Variants in CACNA2D4 observed in about 807,000 individuals in gnomAD.
The protein encoded by CACNA2D4 is voltage-dependent calcium channel subunit alpha-2/delta-4.
A neutral mutation model predicts 163.8 loss-of-function variants in CACNA2D4; 157 were observed. The observed-to-expected ratio is 0.96, with a 90% CI of 0.84 to 1.09. The LOEUF (loss-of-function observed/expected upper bound fraction) is 1.09. CACNA2D4 is among the 50% of genes least tolerant of loss of function. CACNA2D4 has a pLI of 0.00. For synonymous variants in CACNA2D4, 598 were observed against 586.9 expected, an observed-to-expected ratio of 1.02 and a Z score of -0.27; for missense variants, 1,410 against 1,479.9, an observed-to-expected ratio of 0.95 and a Z score of 0.78.
At chr12:1,831,011 C>T (rs1864600375) in intron 26 of CACNA2D4, 1 of 1,614,152 alleles carries the variant, frequency 6.2e-7, no homozygotes. Flanking sequence ...GTGACAGCCG[C>T]AGCCTGGAGG....
intron 26 of CACNA2D4, among the ~76,000 whole-genome samples, chr12:1,838,980 G>A (rs555506343): frequency 2.1e-3 from 316 of 152,302 alleles, no homozygotes; most frequent in Non-Finnish European, 4.0e-3. Context: ...CATCGCACAC[G>A]ACCAGTGACA....
In CACNA2D4 at chr12:1,916,674, G is replaced by A. The variant is rs1014532785; in HGVS notation, c.227+1573C>T. 5.3e-5 allele frequency among the ~76,000 whole-genome samples: 8 copies of A among 152,048 alleles called. No individual in the cohort carries two copies. In the South Asian group the frequency reaches 6.2e-4, roughly 12 times the overall value. ...GTCAAGGACTGGGATAAAAGAAGAC[G>A]GGGGCTTGTGTGTCCCAAGCAACAG... On this transcript the variant is annotated intron_variant, in intron 1 of 37. Transcript: ENST00000382722.
chr12:1,888,730 T>TG (rs1268895572), intron 6 of CACNA2D4, among the ~76,000 whole-genome samples: 1 of 152,200 alleles, frequency 6.6e-6, no homozygotes, highest in African/African-American at 2.4e-5. Context: ...CTACTGAGGC[T>TG]GGAATGAGAA....
intron 23 of CACNA2D4, among the ~76,000 whole-genome samples, chr12:1,848,595 T>A (rs961850669): frequency 6.6e-6 from 1 of 152,190 alleles, no homozygotes; most frequent in South Asian, 2.1e-4. Context: ...AAGTACAACT[T>A]TTATAGAAGA....
intron 26 of CACNA2D4, among the ~76,000 whole-genome samples, chr12:1,839,505 G>C (rs1263674171): frequency 1.3e-5 from 2 of 152,222 alleles, no homozygotes; most frequent in Non-Finnish European, 2.9e-5. Flanking sequence ...AGTGAACCTG[G>C]GTTCCAACGA....
intron 37 of CACNA2D4, 130 bp from the exon 38 acceptor site, chr12:1,793,889 C>T: frequency 1.4e-6 from 1 of 697,038 alleles, no homozygotes. Context: ...GGAAGCACTG[C>T]TACCTCTCTT....
At chr12:1,865,454 G>C (rs1860050) in intron 18 of CACNA2D4, among the ~76,000 whole-genome samples, 12,282 of 152,338 alleles carry the variant, frequency 0.081, 740 homozygotes, top group Non-Finnish European at 0.12. Context: ...GCACAATCGC[G>C]TGCCTGGGGT....
Position 1,874,561 on chromosome 12 carries a change from G to A in CACNA2D4, c.1878+43C>T. The A allele has an allele frequency of 1.5e-6, 2 of 1,367,604 alleles. No homozygotes were observed. The highest frequency in any genetic ancestry group is 2.1e-6 in the Non-Finnish European group (2 of 956,544). 84.7% of individuals were successfully genotyped at this position (1,367,604 alleles called of 1,614,324 possible). On this transcript the variant is annotated intron_variant, in intron 18 of 37. Transcript: ENST00000382722. The surrounding 1 kb of genome is among the most constrained non-coding windows in gnomAD (Gnocchi z 4.4). The stretch of plus-strand genomic sequence containing the variant: ...CACTACTCCAAACCCAATTAATGAA[G>A]ATGCCTTCCTAGGCCATGCCCTGGC...
chr12:1,856,311 G>T, intron 20 of CACNA2D4, 82 bp from the exon 21 acceptor site: 4 of 1,472,276 alleles, frequency 2.7e-6, no homozygotes, highest in Non-Finnish European at 2.8e-6. Context: ...CAGCCACCCA[G>T]TGAGTTTCTA....
intron 6 of CACNA2D4, among the ~76,000 whole-genome samples, chr12:1,897,552 C>A (rs1381872673): frequency 1.3e-5 from 2 of 152,092 alleles, no homozygotes; most frequent in Non-Finnish European, 2.9e-5. Flanking sequence ...TTCAAATATA[C>A]CAATGTTCAC....
In CACNA2D4 at chr12:1,909,979, A is replaced by G. The variant is rs1866775899; in HGVS notation, c.427-14T>C. The G allele has an allele frequency of 1.8e-5, 29 of 1,612,236 alleles. No individual in the cohort carries two copies. The highest frequency in any genetic ancestry group is 2.2e-5 in the Non-Finnish European group (26 of 1,178,578). On this transcript the variant is annotated splice_polypyrimidine_tract_variant and intron_variant, in intron 3 of 37. Transcript: ENST00000382722. ...TTCCACCAGATTCTGAGGGATGGGA[A>G]CACAGAGGTAGGGAGAATGGGTAAA...
chr12:1,851,512 C>T lies in CACNA2D4; in HGVS notation c.2246+2439G>A, dbSNP rs749607421. On this transcript the variant is annotated intron_variant, in intron 23 of 37. Coordinates refer to ENST00000382722, the MANE Select transcript of CACNA2D4 (RefSeq NM_172364.5). ...TTTCACATGCATTTAGATGAGTTTC[C>T]GGATTTCCTTTTGGGTTCCTGTGGT... 1.1e-4 allele frequency among the ~76,000 whole-genome samples: 17 copies of T among 152,240 alleles called. 1 individual carries two copies. The highest frequency in any genetic ancestry group is 2.9e-4 in the African/African-American group (12 of 41,540).
chr12:1,907,874 C>T lies in CACNA2D4; in HGVS notation c.649+1G>A, dbSNP rs1313174160. ...GTGCCTGAGCTGAGCGTGCCGGCTA[C>T]CTTTGTTGTACACGTTGGTGGGCAG... On this transcript the variant is annotated splice_donor_variant, in intron 5 of 37. Coordinates refer to ENST00000382722, the MANE Select transcript of CACNA2D4 (RefSeq NM_172364.5). LOFTEE classifies it high-confidence loss of function. 1.2e-6 allele frequency: 2 copies of T among 1,613,972 alleles called. No individual in the cohort carries two copies. The highest frequency in any genetic ancestry group is 1.7e-6 in the Non-Finnish European group (2 of 1,179,876).
At chr12:1,797,034 T>A (rs1863148863) in intron 35 of CACNA2D4, among the ~76,000 whole-genome samples, 1 of 152,142 alleles carries the variant, frequency 6.6e-6, no homozygotes, top group African/African-American at 2.4e-5. Flanking sequence ...GCGCGGGCAC[T>A]GGCACCGCCC....
chr12:1,895,728 C>T (rs184446284), intron 6 of CACNA2D4, among the ~76,000 whole-genome samples: 29 of 152,242 alleles, frequency 1.9e-4, no homozygotes, highest in Non-Finnish European at 3.4e-4. Flanking sequence ...AACTCCTGGG[C>T]TCAAGCAATC....
intron 25 of CACNA2D4, 104 bp from the exon 26 acceptor site, chr12:1,840,923 G>C: frequency 1.0e-6 from 1 of 999,218 alleles, no homozygotes; most frequent in Non-Finnish European, 1.6e-6. Flanking sequence ...AGCAGGCGAA[G>C]GCATCCTTGG....
At chr12:1,852,394 G>A (rs550984783) in intron 23 of CACNA2D4, among the ~76,000 whole-genome samples, 48 of 152,286 alleles carry the variant, frequency 3.2e-4, no homozygotes, top group African/African-American at 1.1e-3. Flanking sequence ...GTATGGCTGG[G>A]CATGGCAGCT....
intron 26 of CACNA2D4, among the ~76,000 whole-genome samples, chr12:1,826,414 C>CT (rs887751038): frequency 2.9e-5 from 4 of 138,468 alleles, no homozygotes; most frequent in African/African-American, 1.1e-4. Flanking sequence ...CCCCCCCCCC[C>CT]CCGCCAACTG....
chr12:1,915,643 G>A (rs533410881), intron 1 of CACNA2D4, among the ~76,000 whole-genome samples: 62 of 152,362 alleles, frequency 4.1e-4, no homozygotes, highest in Non-Finnish European at 8.2e-4. Flanking sequence ...GGGCAGGCCA[G>A]GAGGGCATAA....
Sources: allele counts gnomAD v4.1 joint callset (sites outside exome capture counted in the v4.1 genomes callset), GRCh38; gene constraint gnomAD v4.1.1; non-coding constraint Gnocchi (gnomAD v3.1); transcripts MANE v1.5; gene names NCBI Gene and HGNC (gene_info 2026-07-23, HGNC 2026-07-21).